ACAP2: variants seen among roughly 807,000 people sequenced by gnomAD.
The protein encoded by ACAP2 is arf-GAP with coiled-coil, ANK repeat and PH domain-containing protein 2.
Under a neutral mutation model 115.8 loss-of-function variants are expected in ACAP2, and 39 were observed. That is an observed-to-expected ratio of 0.34 (90% confidence interval 0.26 to 0.44). The LOEUF (loss-of-function observed/expected upper bound fraction) is 0.44, where lower values mean the gene tolerates loss of function less well. Ranked by LOEUF, ACAP2 falls within the 20% of genes least tolerant of loss-of-function variation. The probability of loss-of-function intolerance (pLI) is 1.00; values close to 1 mark genes in which losing one functional copy is unlikely to be tolerated. For missense variants in ACAP2, 662 were observed against 927.6 expected, an observed-to-expected ratio of 0.71 and a Z score of 3.72; for synonymous variants, 289 against 315.8, an observed-to-expected ratio of 0.92 and a Z score of 0.90.
At chr3:195,412,588 G>A (rs745738026) in intron 1 of ACAP2, among the ~76,000 whole-genome samples, 14 of 152,058 alleles carry the variant, frequency 9.2e-5, no homozygotes, top group Non-Finnish European at 1.8e-4. Flanking sequence ...TCCAGCCTGG[G>A]TGACAGAGCA....
rs527861288 is a variant in ACAP2 at position 195,307,405 on chromosome 3, T to C, written c.910-82A>G. ...TAATGAAATACTTAAAAATATTACT[T>C]GGCATAACTGGTCTAATTTTCAAGA... is the stretch of plus-strand genomic sequence containing the variant. On this transcript the variant is annotated intron_variant, in intron 11 of 22. Transcript: ENST00000326793. 14 of 803,340 alleles carry C rather than the reference T, an allele frequency of 1.7e-5. No individual in the cohort carries two copies. The South Asian group carries it at 1.9e-4, about 11-fold the overall frequency. 49.8% of individuals were successfully genotyped at this position (803,340 alleles called of 1,614,324 possible).
In ACAP2 at chr3:195,326,693, C is replaced by T. The variant is rs1577304972; in HGVS notation, c.744+192G>A. The T allele has an allele frequency of 1.0e-5, 5 of 501,538 alleles. No homozygotes were observed. In the East Asian group the frequency reaches 1.6e-4, roughly 16 times the overall value. The allele number at this position is 501,538 out of a possible 1,614,324, so 31.1% of individuals were successfully genotyped here. A position where few individuals can be genotyped will look rare whatever the true frequency, so the allele number is the denominator to read the frequency against. On this transcript the variant is annotated intron_variant, in intron 9 of 22. Transcript: ENST00000326793. ...TTCAAGAAGCATAGCTTTCAAAGAT[C>T]TGAAAAAATAACAAAATACATACCT... is the stretch of plus-strand genomic sequence containing the variant.
intron 1 of ACAP2, among the ~76,000 whole-genome samples, chr3:195,416,288 G>C (rs563674898): frequency 6.6e-6 from 1 of 151,964 alleles, no homozygotes; most frequent in African/African-American, 2.4e-5. Context: ...GGAGGCTGCA[G>C]TGAGCCAAGA....
At chr3:195,322,051 CAT>C (rs1465661061) in intron 9 of ACAP2, among the ~76,000 whole-genome samples, 1 of 152,194 alleles carries the variant, frequency 6.6e-6, no homozygotes, top group Non-Finnish European at 1.5e-5. Context: ...TGAAATCACT[CAT>C]AGTCTTCTTC....
intron 1 of ACAP2, among the ~76,000 whole-genome samples, chr3:195,422,145 A>G (rs999474292): frequency 6.6e-6 from 1 of 152,220 alleles, no homozygotes; most frequent in Non-Finnish European, 1.5e-5. Context: ...GAAGTGTATA[A>G]TGTACTCCCT....
intron 22 of ACAP2, chr3:195,282,827 T>G (rs1044563428): frequency 3.3e-5 from 5 of 152,256 alleles, no homozygotes; most frequent in African/African-American, 1.2e-4. Context: ...AAATGCAGAC[T>G]GCTGTGTTTC....
chr3:195,279,814 G>T (rs1432648329), intron 22 of ACAP2: 1 of 154,290 alleles, frequency 6.5e-6, no homozygotes, highest in Admixed American at 6.5e-5. Flanking sequence ...CAAAAGAAAT[G>T]ACTAAAACCA....
At chr3:195,330,570 C>T (rs1730102144) in intron 8 of ACAP2, among the ~76,000 whole-genome samples, 2 of 152,116 alleles carry the variant, frequency 1.3e-5, no homozygotes, top group Non-Finnish European at 2.9e-5. Context: ...TGTCTAAAAC[C>T]CAGGAAGGTC....
chr3:195,340,544 G>A (rs144129416), intron 6 of ACAP2, among the ~76,000 whole-genome samples: 1 of 152,078 alleles, frequency 6.6e-6, no homozygotes, highest in South Asian at 2.1e-4. Flanking sequence ...AGAGTGAAAA[G>A]GCAGACAAAG....
intron 8 of ACAP2, among the ~76,000 whole-genome samples, chr3:195,328,300 T>A (rs7636336): frequency 0.013 from 1,965 of 152,262 alleles, 35 homozygotes; most frequent in African/African-American, 0.043. Flanking sequence ...TTTTTAAAAC[T>A]AAATTTTTAA....
At chr3:195,307,376 C>A in intron 11 of ACAP2, 53 bp from the exon 12 acceptor site, 2 of 1,059,082 alleles carry the variant, frequency 1.9e-6, no homozygotes, top group Non-Finnish European at 1.4e-6. Context: ...TTTAATACTA[C>A]CAATAATGAA....
intron 1 of ACAP2, among the ~76,000 whole-genome samples, chr3:195,431,711 T>A (rs982611522): frequency 2.0e-5 from 3 of 151,818 alleles, no homozygotes; most frequent in Non-Finnish European, 2.9e-5. Context: ...CCTCCCAAAG[T>A]GCTGGGATTA....
chr3:195,341,379 C>A (rs374069033), intron 6 of ACAP2, among the ~76,000 whole-genome samples: 2 of 125,588 alleles, frequency 1.6e-5, no homozygotes, highest in East Asian at 5.6e-4. Context: ...GGCTGGAGTG[C>A]AGTGGTGCGA....
chr3:195,387,486 G>T (rs926209537), intron 2 of ACAP2, among the ~76,000 whole-genome samples: 3 of 152,040 alleles, frequency 2.0e-5, no homozygotes, highest in African/African-American at 7.2e-5. Flanking sequence ...TAAAACATAA[G>T]ACTTTGTATA....
intron 1 of ACAP2, among the ~76,000 whole-genome samples, chr3:195,425,349 A>G (rs1343899415): frequency 6.6e-6 from 1 of 152,208 alleles, no homozygotes; most frequent in Non-Finnish European, 1.5e-5. Context: ...CAATTCATCA[A>G]TTGTACAATA....
intron 9 of ACAP2, chr3:195,325,528 A>C (rs1312827747): frequency 7.4e-6 from 3 of 405,558 alleles, no homozygotes; most frequent in East Asian, 7.2e-5. Flanking sequence ...ATTTTCTTTA[A>C]AGGAAAACAG....
chr3:195,387,035 C>G (rs537482456), intron 2 of ACAP2, among the ~76,000 whole-genome samples: 1 of 152,180 alleles, frequency 6.6e-6, no homozygotes, highest in East Asian at 1.9e-4. Context: ...ACAGGAGTTA[C>G]AGAGAAAATG....
rs1263380038 is a variant in ACAP2, at chr3:195,333,008, GA to G, written c.669+19del. 7.8e-6 allele frequency: 12 copies of G among 1,538,814 alleles called. No individual in the cohort carries two copies. The highest frequency in any genetic ancestry group is 1.1e-5 in the Non-Finnish European group (12 of 1,122,574). ...ATACCAATGTATAAAACAGAATCAA[GA>G]AATATACTGCAACATTACCTGTGCA... On this transcript the variant is annotated intron_variant, in intron 8 of 22. Transcript: ENST00000326793.
chr3:195,283,327 C>G (rs181730975), intron 22 of ACAP2, among the ~76,000 whole-genome samples: 7 of 152,308 alleles, frequency 4.6e-5, no homozygotes, highest in Non-Finnish European at 7.4e-5. Context: ...ACGCAAGAAA[C>G]AGGGAGTCCC....
Sources: allele counts gnomAD v4.1 joint callset (sites outside exome capture counted in the v4.1 genomes callset), GRCh38; gene constraint gnomAD v4.1.1; transcripts MANE v1.5; gene names NCBI Gene and HGNC (gene_info 2026-07-23, HGNC 2026-07-21).